Variants in FBXO22 observed in about 807,000 individuals in gnomAD.
FBXO22 encodes F-box protein 22, also known as F-box only protein 22.
In FBXO22, 13 loss-of-function variants were observed where a neutral mutation model predicts 37.2. The ratio of observed to expected loss-of-function variants is 0.35; its 90% confidence interval spans 0.23 to 0.56. The LOEUF is 0.56. FBXO22 is among the 20% of genes least tolerant of loss of function. The pLI, the probability that FBXO22 is intolerant of heterozygous loss-of-function variation, is 0.87. For missense variants in FBXO22, 446 were observed against 509.9 expected, an observed-to-expected ratio of 0.87 and a Z score of 1.21; for synonymous variants, 189 against 189.1, an observed-to-expected ratio of 1.00 and a Z score of 0.00.
intron 2 of FBXO22, among the ~76,000 whole-genome samples, chr15:75,911,034 T>G (rs1900039999): frequency 6.6e-6 from 1 of 152,248 alleles, no homozygotes; most frequent in African/African-American, 2.4e-5. Context: ...ATATTCCCAT[T>G]GCTTGTTTTT....
rs755088177 is a variant in FBXO22, at chr15:75,932,956, G to A, written c.1066G>A (p.Gly356Ser). The change falls in exon 7 of 7, where the codon GGC becomes AGC. Residue 356 changes from glycine to serine, a missense_variant. Gly to Ser is a moderately conservative substitution (Grantham distance 56, BLOSUM62 0). This residue lies in a region of FBXO22 where 315 missense variants were observed against 410.1 expected (regional missense o/e 0.77). Transcript: ENST00000308275. ...GTTTTTTCCTAGTGTTCCCTTATTC[G>A]GCTTCTTTGGAAATGGAGAAATTGG... Reference protein sequence around the residue: ...RKFFPSVPLFGFFGNGEIGCD... With the variant: ...RKFFPSVPLFSFFGNGEIGCD... The A allele has an allele frequency of 1.2e-5, 20 of 1,614,034 alleles. No individual in the cohort carries two copies. Among genetic ancestry groups the A allele is most frequent in the African/African-American group, 2.7e-5 (2 of 74,914 alleles).
chr15:75,916,561 C>T (rs947719443), intron 4 of FBXO22, among the ~76,000 whole-genome samples: 3 of 152,160 alleles, frequency 2.0e-5, no homozygotes, highest in African/African-American at 4.8e-5. Flanking sequence ...CAAATATAGT[C>T]ACATGGGGGG....
At chr15:75,915,639 C>T (rs758873976) in intron 4 of FBXO22, among the ~76,000 whole-genome samples, 17 of 151,930 alleles carry the variant, frequency 1.1e-4, no homozygotes, top group Non-Finnish European at 2.4e-4. Context: ...CAGTGGCTCA[C>T]GTCTGTGGTC....
At chr15:75,918,735 G>A (rs573321748) in intron 5 of FBXO22, among the ~76,000 whole-genome samples, 10 of 152,298 alleles carry the variant, frequency 6.6e-5, no homozygotes, top group African/African-American at 2.4e-4. Context: ...AGTGAAATAA[G>A]CCAGGCCCAG....
At chr15:75,907,055 T>TA (rs1310302554) in intron 2 of FBXO22, among the ~76,000 whole-genome samples, 2 of 152,128 alleles carry the variant, frequency 1.3e-5, no homozygotes, top group African/African-American at 2.4e-5. Context: ...TTACTGTTTT[T>TA]AAAAAGTTTT....
chr15:75,904,122 G>A lies in FBXO22; in HGVS notation c.140+19G>A. 2 of 1,529,312 alleles carry A rather than the reference G, an allele frequency of 1.3e-6. No individual in the cohort carries two copies. Among genetic ancestry groups the A allele is most frequent in the Non-Finnish European group, 1.8e-6 (2 of 1,134,288 alleles). The allele number at this position is 1,529,312 out of a possible 1,614,324, so 94.7% of individuals were successfully genotyped here. On this transcript the variant is annotated intron_variant, in intron 1 of 6. Transcript: ENST00000308275. ...TGGCCTGGTGAGGAGAGGAGGCGGA[G>A]GCGGGAAGCTTGCCTGGGGACACGC...
At chr15:75,930,861 T>C in intron 6 of FBXO22, 2 of 983,618 alleles carry the variant, frequency 2.0e-6, no homozygotes, top group Non-Finnish European at 2.4e-6. Context: ...GACAGACTGT[T>C]GCAGATCAGT....
At chr15:75,931,201 T>A (rs1321388268) in intron 6 of FBXO22, among the ~76,000 whole-genome samples, 1 of 152,210 alleles carries the variant, frequency 6.6e-6, no homozygotes, top group Admixed American at 6.5e-5. Context: ...CTCAGACTTA[T>A]AACATCTGAG....
At chr15:75,914,292 C>A in intron 4 of FBXO22, 87 bp downstream of exon 4, 1 of 858,910 alleles carries the variant, frequency 1.2e-6, no homozygotes, top group Non-Finnish European at 1.9e-6. Flanking sequence ...CTTAGAACCA[C>A]ATTTCTATTT....
chr15:75,937,358 A>AC lies in FBXO22; in HGVS notation c.*4256_*4257insC, dbSNP rs1567060610. ...CCCCATCTCTACTGAAAGTACACAA[A>AC]ATTAGCTGGGCATGGTGGCGGGCAC... is the stretch of plus-strand genomic sequence containing the variant. On this transcript the variant is annotated 3_prime_UTR_variant, in exon 7 of 7. Transcript: ENST00000308275. 1 of 149,602 alleles carries AC rather than the reference A, an allele frequency of 6.7e-6. No individual in the cohort carries two copies. Among genetic ancestry groups the AC allele is most frequent in the Non-Finnish European group, 1.5e-5 (1 of 67,208 alleles). 9.3% of individuals were successfully genotyped at this position (149,602 alleles called of 1,614,324 possible).
chr15:75,906,105 G>C (rs1406420791), intron 2 of FBXO22, among the ~76,000 whole-genome samples: 1 of 152,012 alleles, frequency 6.6e-6, no homozygotes, highest in Non-Finnish European at 1.5e-5. Context: ...CCCTAGTTTG[G>C]CTAGTAGGAG....
chr15:75,908,819 C>T (rs1248979125), intron 2 of FBXO22, among the ~76,000 whole-genome samples: 1 of 152,206 alleles, frequency 6.6e-6, no homozygotes, highest in Non-Finnish European at 1.5e-5. Context: ...GAATTTTGAA[C>T]ATTGGCATTC....
Position 75,917,366 on chromosome 15 carries a change from A to G in FBXO22, c.600A>G (p.Thr200=). 6.3e-7 allele frequency: 1 copy of G among 1,599,324 alleles called. No homozygotes were observed. Among genetic ancestry groups the G allele is most frequent in the Non-Finnish European group, 8.6e-7 (1 of 1,168,560 alleles). ...FHFIKDPKNL[T]LERHQLTEVG... The stretch of plus-strand genomic sequence containing the variant: ...TTATTAAGGATCCAAAGAATTTAAC[A>G]TTAGAAAGACATCAACTCACTGAAG... Residue 200 remains threonine, a synonymous_variant, in exon 5 of 7, where the codon ACA becomes ACG. Transcript: ENST00000308275.
rs191911218 is a variant in FBXO22 at position 75,909,021 on chromosome 15, A to G, written c.280-4182A>G. Among the ~76,000 whole-genome samples, 97 of 152,282 alleles carry G rather than the reference A, an allele frequency of 6.4e-4. 2 individuals are homozygous for G. Among genetic ancestry groups the G allele is most frequent in the African/African-American group, 2.2e-3 (91 of 41,562 alleles). ...ACTTTTTTTTTCCATTTAACTAACA[A>G]TGAGGCTTTGCTATATCCTAAGTAC... On this transcript the variant is annotated intron_variant, in intron 2 of 6. Transcript: ENST00000308275.
intron 4 of FBXO22, among the ~76,000 whole-genome samples, chr15:75,914,889 T>C (rs1900147698): frequency 6.6e-6 from 1 of 152,098 alleles, no homozygotes; most frequent in African/African-American, 2.4e-5. Flanking sequence ...CCTTGGAGGG[T>C]TGTGAGAATT....
chr15:75,928,298 A>C (rs1235306980), intron 5 of FBXO22, among the ~76,000 whole-genome samples: 2 of 152,212 alleles, frequency 1.3e-5, no homozygotes, highest in Admixed American at 6.5e-5. Flanking sequence ...ACACATGCAC[A>C]TGTATGTTCA....
At chr15:75,911,376 T>C (rs1263497697) in intron 2 of FBXO22, among the ~76,000 whole-genome samples, 2 of 152,188 alleles carry the variant, frequency 1.3e-5, no homozygotes, top group Non-Finnish European at 2.9e-5. Flanking sequence ...TTTCACGATA[T>C]CGATTCTTCC....
chr15:75,924,794 A>G (rs1206024958), intron 5 of FBXO22, among the ~76,000 whole-genome samples: 1 of 152,176 alleles, frequency 6.6e-6, no homozygotes, highest in Non-Finnish European at 1.5e-5. Flanking sequence ...TGAGAGCCAG[A>G]GCCTCTTTGC....
At position 75,929,992 on chromosome 15, in the gene FBXO22, T is replaced by A. The variant is rs758594294; in HGVS notation, c.737T>A (p.Met246Lys). The change falls in exon 6 of 7, where the codon ATG becomes AAG. Residue 246 changes from methionine to lysine, a missense_variant. Met to Lys is a moderately conservative substitution (Grantham distance 95). Around this residue, in one of 2 missense-constraint regions of FBXO22, gnomAD observed 315 missense variants for 410.1 expected, o/e 0.77. Transcript: ENST00000308275. Reference sequence around the variant, plus strand: ...CAAGTAGTCAGCACTTTCAGTGATATGAATATCATCTTGGCTGGAGGCCAG... The same window carrying A: ...CAAGTAGTCAGCACTTTCAGTGATAAGAATATCATCTTGGCTGGAGGCCAG... ...LQQVVSTFSD[M>K]NIILAGGQVD... 6.2e-7 allele frequency: 1 copy of A among 1,614,134 alleles called. No homozygotes were observed. The highest frequency in any genetic ancestry group is 8.5e-7 in the Non-Finnish European group (1 of 1,179,984).
Sources: gnomAD v4.1 joint callset for allele counts (sites outside exome capture counted in the v4.1 genomes callset) on GRCh38, gnomAD v4.1.1 for gene constraint, gnomAD v4.1.1 regional missense constraint, MANE v1.5 for transcripts, NCBI Gene and HGNC (gene_info 2026-07-23, HGNC 2026-07-21) for gene names.